The following DNAI7 variants were observed in gnomAD, a reference collection of about 807,000 sequenced individuals.
DNAI7 encodes cancer susceptibility 1.
DNAI7 carries 78 observed loss-of-function variants against 86.6 expected under a neutral mutation model. The ratio of observed to expected loss-of-function variants is 0.90; its 90% CI spans 0.75 to 1.09. The LOEUF is 1.09. Among genes scored for constraint, DNAI7 ranks in the 50% least tolerant of loss-of-function variants. The pLI is 0.00. For synonymous variants in DNAI7, 274 were observed against 273.0 expected (o/e 1.00, Z -0.04); for missense variants, 753 against 810.2 (o/e 0.93, Z 0.86).
intron 15 of DNAI7, 135 bp from the exon 16 acceptor site, chr12:25,108,958 C>T: frequency 1.8e-6 from 1 of 561,356 alleles, no homozygotes. Context: ...CTATGTGTTC[C>T]ATTACTGGGT....
chr12:25,110,463 C>T (rs75700820), intron 14 of DNAI7, among the ~76,000 whole-genome samples: 10,990 of 152,242 alleles, frequency 0.072, 420 homozygotes, highest in South Asian at 0.13. Flanking sequence ...TCCCTACTCC[C>T]GACTCCACAT....
intron 6 of DNAI7, among the ~76,000 whole-genome samples, chr12:25,153,698 G>A (rs10842491): frequency 0.5 from 76,462 of 152,150 alleles, 22,400 homozygotes; most frequent in East Asian, 0.89. Flanking sequence ...AGTTAGCTAT[G>A]AAGCCATGGC....
intron 2 of DNAI7, among the ~76,000 whole-genome samples, chr12:25,171,971 A>G (rs1184425177): frequency 6.6e-6 from 1 of 152,214 alleles, no homozygotes; most frequent in Non-Finnish European, 1.5e-5. Flanking sequence ...TCTTAATGTA[A>G]TAACAGCCAT....
chr12:25,190,675 T>C, intron 1 of DNAI7, 44 bp from the exon 2 acceptor site: 1 of 1,182,916 alleles, frequency 8.5e-7, no homozygotes, highest in Non-Finnish European at 1.2e-6. Flanking sequence ...TTAAAGACAA[T>C]TCTGATACAA....
intron 2 of DNAI7, among the ~76,000 whole-genome samples, chr12:25,186,848 A>G (rs1277469270): frequency 6.6e-6 from 1 of 152,060 alleles, no homozygotes; most frequent in Non-Finnish European, 1.5e-5. Flanking sequence ...TCATCTGAAG[A>G]TTGATTTCCA....
At chr12:25,182,989 A>AGGAGAGAT (rs1949697090) in intron 2 of DNAI7, among the ~76,000 whole-genome samples, 1 of 151,686 alleles carries the variant, frequency 6.6e-6, no homozygotes, top group African/African-American at 2.4e-5. Context: ...GAAGGAGAGA[A>AGGAGAGAT]GGAGAGAAAG....
At chr12:25,109,578 T>C (rs1949617876) in intron 15 of DNAI7, among the ~76,000 whole-genome samples, 1 of 151,982 alleles carries the variant, frequency 6.6e-6, no homozygotes, top group Non-Finnish European at 1.5e-5. Flanking sequence ...TTGAGTCAAT[T>C]TGTAAACAGA....
intron 5 of DNAI7, among the ~76,000 whole-genome samples, chr12:25,154,904 T>A (rs942212639): frequency 6.6e-6 from 1 of 152,190 alleles, no homozygotes; most frequent in African/African-American, 2.4e-5. Flanking sequence ...GTACTGTACT[T>A]AGAATTTTTC....
intron 2 of DNAI7, among the ~76,000 whole-genome samples, chr12:25,184,869 A>C (rs1949883864): frequency 6.6e-6 from 1 of 151,654 alleles, no homozygotes; most frequent in Non-Finnish European, 1.5e-5. Context: ...ATGGTGACTC[A>C]TGCCTGCAAT....
chr12:25,139,064 G>T (rs1027251000), intron 9 of DNAI7, among the ~76,000 whole-genome samples: 1 of 151,886 alleles, frequency 6.6e-6, no homozygotes, highest in Non-Finnish European at 1.5e-5. Context: ...GATCATTCAA[G>T]GCTACTATGA....
chr12:25,166,974 T>G (rs1947553785), intron 2 of DNAI7, among the ~76,000 whole-genome samples: 2 of 152,106 alleles, frequency 1.3e-5, no homozygotes, highest in Admixed American at 1.3e-4. Context: ...ATTACCATTG[T>G]TCCTGGCCCA....
intron 2 of DNAI7, among the ~76,000 whole-genome samples, chr12:25,166,247 C>A (rs1947449758): frequency 6.6e-6 from 1 of 152,150 alleles, no homozygotes. Context: ...TTTTACCTGT[C>A]CTAAAACCAG....
At chr12:25,114,002 G>T (rs1939553110) in intron 13 of DNAI7, among the ~76,000 whole-genome samples, 1 of 138,640 alleles carries the variant, frequency 7.2e-6, no homozygotes, top group African/African-American at 2.7e-5. Flanking sequence ...CTGGAGTGCA[G>T]TGGTACGATC....
chr12:25,182,641 C>A (rs1181885133), intron 2 of DNAI7, among the ~76,000 whole-genome samples: 2 of 151,512 alleles, frequency 1.3e-5, no homozygotes, highest in Non-Finnish European at 2.9e-5. Flanking sequence ...CACACACAAG[C>A]CAGATGTGGT....
intron 2 of DNAI7, among the ~76,000 whole-genome samples, chr12:25,173,788 T>G (rs1015112573): frequency 6.6e-6 from 1 of 150,728 alleles, no homozygotes; most frequent in Non-Finnish European, 1.5e-5. Flanking sequence ...TATACACACA[T>G]CATATATATA....
chr12:25,178,233 A>G (rs1358681017), intron 2 of DNAI7, among the ~76,000 whole-genome samples: 1 of 152,220 alleles, frequency 6.6e-6, no homozygotes, highest in African/African-American at 2.4e-5. Context: ...TTATGGACCT[A>G]GAATTTTCTT....
chr12:25,162,752 T>C (rs746444817), intron 2 of DNAI7, among the ~76,000 whole-genome samples: 47 of 152,208 alleles, frequency 3.1e-4, no homozygotes, highest in African/African-American at 8.2e-4. Context: ...CACTAACTTA[T>C]ATACCTCCAC....
rs140817565 is a variant in DNAI7 at position 25,169,503 on chromosome 12, C to A, written c.22-8306G>T. Among the ~76,000 whole-genome samples, 3 of 152,136 alleles carry A rather than the reference C, an allele frequency of 2.0e-5. No individual in the cohort carries two copies. In the South Asian group the frequency reaches 6.2e-4, roughly 31 times the overall value. ...AAGCCTGTTTGGTGGTCTCTTCACA[C>A]GGACGAGAGTGAAACTAACATTGAA... On this transcript the variant is annotated intron_variant, in intron 2 of 15. Transcript: ENST00000395987.
intron 2 of DNAI7, among the ~76,000 whole-genome samples, chr12:25,182,476 G>C (rs555107052): frequency 6.6e-6 from 1 of 151,972 alleles, no homozygotes; most frequent in African/African-American, 2.4e-5. Flanking sequence ...GTAGGGTGTG[G>C]TAGCACACAC....
Sources: allele counts gnomAD v4.1 joint callset (sites outside exome capture counted in the v4.1 genomes callset), GRCh38; gene constraint gnomAD v4.1.1; transcripts MANE v1.5; gene names NCBI Gene and HGNC (gene_info 2026-07-23, HGNC 2026-07-21).